Variants in RAB3IL1 observed in about 807,000 individuals in gnomAD.
The protein encoded by RAB3IL1 is RAB3A interacting protein like 1.
A neutral mutation model predicts 49.2 loss-of-function variants in RAB3IL1; 37 were observed. The observed-to-expected ratio is 0.75, with a 90% CI of 0.58 to 0.99. The LOEUF (loss-of-function observed/expected upper bound fraction) is 0.99. Among genes scored for constraint, RAB3IL1 ranks in the 50% least tolerant of loss-of-function variants. The pLI is 0.00. For missense variants in RAB3IL1, 484 were observed against 513.0 expected, an observed-to-expected ratio of 0.94 and a Z score of 0.55; for synonymous variants, 193 against 213.9, an observed-to-expected ratio of 0.90 and a Z score of 0.85.
At chr11:61,940,239 C>G in the RAB3IL1 span, among the ~76,000 whole-genome samples, 2 of 151,454 alleles carry the variant, frequency 1.3e-5, no homozygotes, top group African/African-American at 4.9e-5. Flanking sequence ...GTCGGGAGTT[C>G]GAGACCAGCC....
At chr11:61,907,492 C>T (rs776268261) in intron 3 of RAB3IL1, 22 bp from the exon 4 acceptor site, 33 of 1,613,968 alleles carry the variant, frequency 2.0e-5, no homozygotes, top group Non-Finnish European at 2.5e-5. Flanking sequence ...GCAGTCCCTG[C>T]GTGAGTGGTG....
At position 61,908,153 on chromosome 11, in the gene RAB3IL1, T is replaced by A; in HGVS notation, c.165A>T (p.Ala55=). Residue 55 remains alanine (A), a synonymous_variant, in exon 2 of 10, where the codon GCA becomes GCT. Transcript: ENST00000394836. ...GEEAQGQEGP[A]AAQLDVLRLR... ...GGCGCAACACGTCCAGCTGGGCGGC[T>A]GCGGGGCCCTCCTGGCCTTGGGCCT... 6.4e-7 allele frequency: 1 copy of A among 1,571,152 alleles called. No individual in the cohort carries two copies. The highest frequency in any genetic ancestry group is 1.4e-5 in the African/African-American group (1 of 73,834).
chr11:61,934,233 T>C, the RAB3IL1 span, among the ~76,000 whole-genome samples: 1 of 150,686 alleles, frequency 6.6e-6, no homozygotes, highest in Non-Finnish European at 1.5e-5. Context: ...ATCCTCAAAC[T>C]CCTGGGCTCA....
At position 61,898,561 on chromosome 11, in the gene RAB3IL1, C is replaced by T. The variant is rs1254642634; in HGVS notation, c.1067-201G>A. On this transcript the variant is annotated intron_variant, in intron 9 of 9. Transcript: ENST00000394836. The surrounding 1 kb of genome is among the most constrained non-coding windows in gnomAD (Gnocchi z 5.1). ...AGCCTTGGAAACTGCTGAGTGCCGA[C>T]CACACCCGAGGGATCTGTTTGCACT... Among the ~76,000 whole-genome samples the T allele has an allele frequency of 6.6e-6, 1 of 152,222 alleles. No individual in the cohort carries two copies. Among genetic ancestry groups the T allele is most frequent in the Non-Finnish European group, 1.5e-5 (1 of 68,040 alleles).
chr11:61,919,692 C>T (rs528140221), upstream of RAB3IL1, among the ~76,000 whole-genome samples: 20 of 152,338 alleles, frequency 1.3e-4, no homozygotes, highest in East Asian at 3.9e-3. Flanking sequence ...CTACAAGCCA[C>T]TGCCCTCCTC....
At chr11:61,915,770 G>A (rs990177937) in intron 1 of RAB3IL1, among the ~76,000 whole-genome samples, 2 of 152,166 alleles carry the variant, frequency 1.3e-5, no homozygotes, top group African/African-American at 4.8e-5. Flanking sequence ...GGGTGCAGTG[G>A]CTCACACCTG....
the RAB3IL1 span, among the ~76,000 whole-genome samples, chr11:61,930,506 T>C: frequency 1.3e-5 from 2 of 152,202 alleles, no homozygotes; most frequent in Admixed American, 6.5e-5. Context: ...AGACGAATCA[T>C]GGTGAATTAT....
chr11:61,940,322 A>T, the RAB3IL1 span, among the ~76,000 whole-genome samples: 152,090 of 152,092 alleles, frequency 1, 76,044 homozygotes, highest in Middle Eastern at 1. Context: ...ATGCCTGTAA[A>T]CCCAGCTACC....
the RAB3IL1 span, among the ~76,000 whole-genome samples, chr11:61,945,062 G>A: frequency 1.3e-5 from 2 of 152,186 alleles, no homozygotes; most frequent in African/African-American, 4.8e-5. Flanking sequence ...GGCTGTAGCT[G>A]TGGAAGCCCA....
Position 61,898,354 on chromosome 11 carries a change from G to A in RAB3IL1, c.1073C>T (p.Pro358Leu), listed in dbSNP as rs977026851. 1.9e-6 allele frequency: 3 copies of A among 1,613,372 alleles called. No individual in the cohort carries two copies. In the Admixed American group the frequency reaches 5.0e-5, roughly 27 times the overall value. Residue 358 changes from proline (P) to leucine (L), a missense_variant, in exon 10 of 10, where the codon CCC (proline) becomes CTC (leucine). Transcript: ENST00000394836. This position sits in a 1 kb window ranked among gnomAD's most constrained non-coding sequence, Gnocchi z 5.1. Reference sequence around the variant, plus strand: ...CAACCTCATGATCTCCCAGAACATGGGCTCTGCTGCAGGCAGAGAGAGGGT... The same window carrying A: ...CAACCTCATGATCTCCCAGAACATGAGCTCTGCTGCAGGCAGAGAGAGGGT... ...QQGLVRQDAE[P>L]MFWEIMRLRK... is the part of the protein sequence containing the mutation.
At chr11:61,926,281 C>T in the RAB3IL1 span, among the ~76,000 whole-genome samples, 1 of 152,156 alleles carries the variant, frequency 6.6e-6, no homozygotes, top group Non-Finnish European at 1.5e-5. Context: ...TTTTTAAGAA[C>T]ACACATGCCA....
upstream of RAB3IL1, chr11:61,917,629 C>A: frequency 3.1e-6 from 3 of 983,430 alleles, no homozygotes; most frequent in Non-Finnish European, 3.7e-6. Flanking sequence ...CGGCCCGGCG[C>A]TGGGATCCGG....
upstream of RAB3IL1, among the ~76,000 whole-genome samples, chr11:61,924,077 G>A (rs1014076425): frequency 1.3e-5 from 2 of 152,160 alleles, no homozygotes; most frequent in Admixed American, 6.5e-5. Flanking sequence ...CTCAGCCCAG[G>A]ACAGCACTTT....
rs139373680 is a variant in RAB3IL1, at chr11:61,908,617, C to G, written c.12-311G>C. 7.4e-4 allele frequency among the ~76,000 whole-genome samples: 112 copies of G among 152,332 alleles called. 1 individual carries two copies. Among genetic ancestry groups the G allele is most frequent in the African/African-American group, 2.6e-3 (109 of 41,578 alleles). On this transcript the variant is annotated intron_variant, in intron 1 of 9. Transcript: ENST00000394836. ...GTCAGCGTCTTTGTCTAACAGGTGACTGTAAATGCATCAGGGTTGAGTCCC... is the reference window on the plus strand; with the variant it reads ...GTCAGCGTCTTTGTCTAACAGGTGAGTGTAAATGCATCAGGGTTGAGTCCC...
the RAB3IL1 span, among the ~76,000 whole-genome samples, chr11:61,933,966 A>C: frequency 1.3e-5 from 2 of 152,084 alleles, no homozygotes; most frequent in Admixed American, 1.3e-4. Context: ...GAAAAGAAAA[A>C]GAAAGATGGC....
At chr11:61,929,689 G>A in the RAB3IL1 span, among the ~76,000 whole-genome samples, 8 of 150,810 alleles carry the variant, frequency 5.3e-5, no homozygotes, top group East Asian at 2.0e-4. Context: ...GGGTTCAAGC[G>A]ATTCCCCTGC....
chr11:61,924,539 C>T (rs534882522), upstream of RAB3IL1, among the ~76,000 whole-genome samples: 3 of 152,248 alleles, frequency 2.0e-5, no homozygotes, highest in Admixed American at 6.5e-5. Flanking sequence ...GGCCCCTCAG[C>T]GCCCCCACGA....
chr11:61,937,751 A>C, the RAB3IL1 span: 3 of 152,228 alleles, frequency 2.0e-5, no homozygotes, highest in Non-Finnish European at 4.4e-5. Flanking sequence ...GAACAAAAAA[A>C]CAAAAATATA....
At chr11:61,934,192 G>A in the RAB3IL1 span, among the ~76,000 whole-genome samples, 1 of 151,416 alleles carries the variant, frequency 6.6e-6, no homozygotes, top group East Asian at 2.0e-4. Context: ...CATCCAGGTT[G>A]GAGTGCAGTG....
Sources: gnomAD v4.1 joint callset for allele counts (sites outside exome capture counted in the v4.1 genomes callset) on GRCh38, gnomAD v4.1.1 for gene constraint, Gnocchi (gnomAD v3.1) non-coding constraint, MANE v1.5 for transcripts, NCBI Gene and HGNC (gene_info 2026-07-23, HGNC 2026-07-21) for gene names.